Variants in ERC1 observed in about 807,000 individuals in gnomAD.
ERC1 encodes ELKS/RAB6-interacting/CAST family member 1.
Under a neutral mutation model 132.0 loss-of-function variants are expected in ERC1, and 56 were observed. The observed-to-expected ratio is 0.42, with a 90% CI of 0.34 to 0.53. The LOEUF (loss-of-function observed/expected upper bound fraction) is 0.53, where lower values mean the gene tolerates loss of function less well. Ranked by LOEUF, ERC1 falls within the 20% of genes least tolerant of loss-of-function variation. The probability of loss-of-function intolerance (pLI) is 0.03; values close to 1 mark genes in which losing one functional copy is unlikely to be tolerated. For missense variants in ERC1, 1,202 were observed against 1,349.9 expected (o/e 0.89, Z 1.72); for synonymous variants, 478 against 476.1 (o/e 1.00, Z -0.05).
In ERC1 at chr12:1,099,002, T is replaced by C. The variant is rs144374735; in HGVS notation, c.1087-5748T>C. On this transcript the variant is annotated intron_variant, in intron 3 of 18. Transcript: ENST00000360905. ...TAATAGTCAAGAGAAAACAAGTGTC[T>C]AGGAGGGATTGGGCCGTTGCTTTGA... is the stretch of plus-strand genomic sequence containing the variant. Among the ~76,000 whole-genome samples, 514 of 152,186 alleles carry C rather than the reference T, an allele frequency of 3.4e-3. 4 individuals are homozygous for C. The highest frequency in any genetic ancestry group is 0.012 in the African/African-American group (483 of 41,516).
intron 3 of ERC1, among the ~76,000 whole-genome samples, chr12:1,094,792 C>T (rs1306673521): frequency 6.6e-6 from 1 of 152,096 alleles, no homozygotes; most frequent in Admixed American, 6.6e-5. Context: ...CTACTATTAC[C>T]AGAGATGGTA....
chr12:1,058,302 A>G (rs1272066329), intron 2 of ERC1, among the ~76,000 whole-genome samples: 2 of 151,734 alleles, frequency 1.3e-5, no homozygotes, highest in East Asian at 1.9e-4. Context: ...TTTTTTTTCT[A>G]ATAGTTTTAT....
chr12:1,359,861 C>T (rs779256211), intron 15 of ERC1, among the ~76,000 whole-genome samples: 20 of 152,066 alleles, frequency 1.3e-4, no homozygotes, highest in Non-Finnish European at 2.4e-4. Context: ...AAAAGAGTTA[C>T]GTCATCTTTA....
intron 1 of ERC1, among the ~76,000 whole-genome samples, chr12:1,007,458 CAT>C (rs1963842870): frequency 9.6e-6 from 1 of 104,520 alleles, no homozygotes; most frequent in Non-Finnish European, 1.9e-5. Context: ...CTGGGTAATT[CAT>C]TCTCTCTCTC....
intron 1 of ERC1, among the ~76,000 whole-genome samples, chr12:1,016,292 T>C (rs189223312): frequency 6.6e-6 from 1 of 152,380 alleles, no homozygotes; most frequent in African/African-American, 2.4e-5. Flanking sequence ...TAGTCCATTA[T>C]AGTTAGTTTG....
intron 1 of ERC1, among the ~76,000 whole-genome samples, chr12:992,244 C>G (rs1959673717): frequency 6.6e-6 from 1 of 152,144 alleles, no homozygotes; most frequent in Non-Finnish European, 1.5e-5. Flanking sequence ...GAGAAGGCCC[C>G]AAACTCAGGT....
intron 14 of ERC1, 21 bp from the exon 15 acceptor site, chr12:1,289,831 T>C: frequency 6.2e-7 from 1 of 1,608,770 alleles, no homozygotes; most frequent in Non-Finnish European, 8.5e-7. Flanking sequence ...TCTGTTGTTC[T>C]CTTTCCCATA....
intron 13 of ERC1, among the ~76,000 whole-genome samples, chr12:1,242,492 G>A (rs916187806): frequency 6.6e-6 from 1 of 151,962 alleles, no homozygotes; most frequent in African/African-American, 2.4e-5. Context: ...TAATAGAGAA[G>A]AAAAAGGCAA....
At chr12:1,059,574 T>C (rs1279370532) in intron 2 of ERC1, among the ~76,000 whole-genome samples, 1 of 152,260 alleles carries the variant, frequency 6.6e-6, no homozygotes, top group Non-Finnish European at 1.5e-5. Flanking sequence ...AATGTTTTTT[T>C]CTGCATCTAT....
intron 8 of ERC1, among the ~76,000 whole-genome samples, chr12:1,169,107 G>A (rs1408338629): frequency 1.3e-5 from 2 of 152,142 alleles, no homozygotes; most frequent in Non-Finnish European, 2.9e-5. Context: ...TATGTGTATG[G>A]TTCAAATACA....
chr12:1,052,342 A>G (rs1269762835), intron 2 of ERC1, among the ~76,000 whole-genome samples: 1 of 152,210 alleles, frequency 6.6e-6, no homozygotes, highest in African/African-American at 2.4e-5. Flanking sequence ...TAATTACGTA[A>G]ACACAAACCT....
intron 17 of ERC1, among the ~76,000 whole-genome samples, chr12:1,412,458 G>A (rs768364516): frequency 7.2e-5 from 11 of 152,190 alleles, no homozygotes; most frequent in African/African-American, 1.4e-4. Context: ...AAAACGTAAC[G>A]CTTAAGAGTG....
intron 17 of ERC1, chr12:1,443,495 A>G (rs1238432925): frequency 6.6e-6 from 1 of 152,178 alleles, no homozygotes; most frequent in Non-Finnish European, 1.5e-5. Flanking sequence ...TGTCCTGTTC[A>G]TGAAAATTGC....
At chr12:1,413,408 G>T (rs954473979) in intron 17 of ERC1, among the ~76,000 whole-genome samples, 1 of 151,968 alleles carries the variant, frequency 6.6e-6, no homozygotes. Context: ...AGGCTGGCCA[G>T]CATGACAAAA....
chr12:1,372,382 A>G (rs1566703664), intron 16 of ERC1, among the ~76,000 whole-genome samples: 2 of 152,190 alleles, frequency 1.3e-5, no homozygotes, highest in Non-Finnish European at 2.9e-5. Context: ...CTCTGAAGAT[A>G]AGAACAAAGG....
intron 18 of ERC1, among the ~76,000 whole-genome samples, chr12:1,474,090 C>A (rs998608232): frequency 1.3e-5 from 2 of 152,190 alleles, no homozygotes; most frequent in African/African-American, 4.8e-5. Context: ...CCTGCAGATT[C>A]AAGTTAGGGG....
At chr12:1,227,831 A>C (rs1156845441) in intron 12 of ERC1, among the ~76,000 whole-genome samples, 1 of 152,168 alleles carries the variant, frequency 6.6e-6, no homozygotes, top group Non-Finnish European at 1.5e-5. Context: ...ATTTCTGTGT[A>C]TGGTCAGGGA....
intron 2 of ERC1, among the ~76,000 whole-genome samples, chr12:1,043,044 TTTTC>T (rs1306294202): frequency 2.1e-4 from 31 of 146,456 alleles, no homozygotes; most frequent in African/African-American, 4.5e-4. Flanking sequence ...TTTTCTTTTC[TTTTC>T]TTTTTTTTTT....
chr12:1,069,557 A>G (rs942759521), intron 2 of ERC1, among the ~76,000 whole-genome samples: 1 of 152,196 alleles, frequency 6.6e-6, no homozygotes, highest in Non-Finnish European at 1.5e-5. Flanking sequence ...CAGTAAGTGA[A>G]TGGATACATT....
Sources: allele counts gnomAD v4.1 joint callset (sites outside exome capture counted in the v4.1 genomes callset), GRCh38; gene constraint gnomAD v4.1.1; transcripts MANE v1.5; gene names NCBI Gene and HGNC (gene_info 2026-07-23, HGNC 2026-07-21).